The following RGPD1 variants were observed in gnomAD, a reference collection of about 807,000 sequenced individuals.
RGPD1 encodes the protein RANBP2-like and GRIP domain-containing protein 1.
RGPD1 carries 7 observed loss-of-function variants against 40.6 expected under a neutral mutation model. The observed-to-expected ratio is 0.17, with a 90% confidence interval of 0.10 to 0.32. The LOEUF (loss-of-function observed/expected upper bound fraction) is 0.32, where lower values mean the gene tolerates loss of function less well. Ranked by LOEUF, RGPD1 falls within the 10% of genes least tolerant of loss-of-function variation. RGPD1 has a pLI of 1.00. For missense variants in RGPD1, 50 were observed against 472.5 expected (o/e 0.11, Z 8.29); for synonymous variants, 24 against 167.0 (o/e 0.14, Z 6.60).
chr2:86,928,817 TTGAAA>T (rs991401024), intron 1 of RGPD1, among the ~76,000 whole-genome samples: 4 of 152,106 alleles, frequency 2.6e-5, no homozygotes, highest in Admixed American at 6.5e-5. Flanking sequence ...GAAATGTTAG[TTGAAA>T]TGAATGATAC....
chr2:86,942,794 G>C (rs1315668305), intron 1 of RGPD1, among the ~76,000 whole-genome samples: 1 of 151,828 alleles, frequency 6.6e-6, no homozygotes, highest in Non-Finnish European at 1.5e-5. Flanking sequence ...CGGCCGGCTG[G>C]CGCAGTCCTG....
rs900429245 is a variant in RGPD1, at chr2:86,930,522, C to T, written c.72+16601C>T. On this transcript the variant is annotated intron_variant, in intron 1 of 22. Coordinates refer to the RGPD1 transcript ENST00000398193. Reference sequence around the variant, plus strand: ...TTGTTGCAGCCTGAGTTTAGCTCGTCGGTGGCGGAAGGCCCAACAGCAGCT... The same window carrying T: ...TTGTTGCAGCCTGAGTTTAGCTCGTTGGTGGCGGAAGGCCCAACAGCAGCT... The T allele has an allele frequency of 2.4e-5, 38 of 1,557,270 alleles. No homozygotes were observed. The African/African-American group carries it at 2.6e-4, about 11-fold the overall frequency.
At chr2:86,913,754 C>T (rs1294346480), upstream of RGPD1, 20 of 1,385,524 alleles carry the variant, frequency 1.4e-5, no homozygotes, top group Middle Eastern at 5.7e-4. Flanking sequence ...CCGCCGGCTA[C>T]GTCAGTGGCT....
chr2:86,962,507 CAAAAAAAA>C (rs61486857), intron 6 of RGPD1, among the ~76,000 whole-genome samples: 2 of 29,896 alleles, frequency 6.7e-5, no homozygotes, highest in African/African-American at 1.9e-4. Flanking sequence ...GACTCTGTCT[CAAAAAAAA>C]AAAAAAAAAA....
chr2:86,941,354 T>A (rs1033119696), upstream of RGPD1, among the ~76,000 whole-genome samples: 5 of 150,658 alleles, frequency 3.3e-5, no homozygotes, highest in African/African-American at 1.2e-4. Context: ...ATTCTGCTAG[T>A]GAAATATATA....
At chr2:86,914,798 GGGCGGC>G (rs551941000) in intron 1 of RGPD1, among the ~76,000 whole-genome samples, 3 of 744 alleles carry the variant, frequency 4.0e-3, no homozygotes, top group Non-Finnish European at 6.4e-3. Flanking sequence ...CCACCTGGAC[GGGCGGC>G]GGCGGCGGCG....
chr2:87,008,934 G>T (rs1241150688), intron 22 of RGPD1, among the ~76,000 whole-genome samples: 1 of 135,174 alleles, frequency 7.4e-6, no homozygotes, highest in African/African-American at 2.9e-5. Context: ...AGAAAAAACA[G>T]AACAAGAGTC....
chr2:86,942,328 A>G lies in RGPD1; in HGVS notation c.72+20A>G. ...GGAAAGGTGAGTGGATCTCGAAGAG[A>G]CCGACGGCCTCGACCTGGCCGGGCG... On this transcript the variant is annotated intron_variant, in intron 1 of 22. Transcript: ENST00000641458. 4 of 1,501,790 alleles carry G rather than the reference A, an allele frequency of 2.7e-6. No homozygotes were observed. Among genetic ancestry groups the G allele is most frequent in the Non-Finnish European group, 3.6e-6 (4 of 1,122,388 alleles). The allele number at this position is 1,501,790 out of a possible 1,614,324, so 93.0% of individuals were successfully genotyped here. A position where few individuals can be genotyped will look rare whatever the true frequency, so the allele number is the denominator to read the frequency against.
upstream of RGPD1, among the ~76,000 whole-genome samples, chr2:86,939,026 G>GT (rs968782564): frequency 3.5e-5 from 4 of 112,770 alleles, no homozygotes; most frequent in Non-Finnish European, 7.2e-5. Context: ...GTTGTACCTA[G>GT]TAAAGGTATA....
chr2:86,942,916 C>G (rs1427198808), intron 1 of RGPD1, among the ~76,000 whole-genome samples: 1 of 151,980 alleles, frequency 6.6e-6, no homozygotes, highest in Non-Finnish European at 1.5e-5. Context: ...CGACGGTGCT[C>G]GCTCGTGGGC....
At chr2:86,914,932 C>T (rs1171864722) in intron 1 of RGPD1, among the ~76,000 whole-genome samples, 2 of 95,584 alleles carry the variant, frequency 2.1e-5, no homozygotes, top group Non-Finnish European at 4.0e-5. Flanking sequence ...TCGACCTGGC[C>T]GGGCGGCGGC....
At chr2:86,918,111 T>C (rs1677844374) in intron 1 of RGPD1, among the ~76,000 whole-genome samples, 1 of 150,582 alleles carries the variant, frequency 6.6e-6, no homozygotes, top group African/African-American at 2.4e-5. Flanking sequence ...ACATATTGCT[T>C]AGGATGTGAA....
At chr2:86,940,984 AAAAC>A (rs1233242381), upstream of RGPD1, among the ~76,000 whole-genome samples, 1 of 151,988 alleles carries the variant, frequency 6.6e-6, no homozygotes, top group Non-Finnish European at 1.5e-5. Context: ...TGGTTGAAAT[AAAAC>A]AAAATGCTGT....
chr2:86,924,702 G>A (rs559078591), intron 1 of RGPD1, among the ~76,000 whole-genome samples: 125 of 151,602 alleles, frequency 8.2e-4, no homozygotes, highest in Middle Eastern at 3.4e-3. Context: ...AAACTCCTGG[G>A]CTCAAGCAGT....
intron 1 of RGPD1, among the ~76,000 whole-genome samples, chr2:86,924,768 T>A (rs1282310498): frequency 6.6e-6 from 1 of 151,232 alleles, no homozygotes; most frequent in East Asian, 1.9e-4. Flanking sequence ...TTTAATTTCT[T>A]TTAATTTAAT....
intron 1 of RGPD1, among the ~76,000 whole-genome samples, chr2:86,918,492 C>A: frequency 8.6e-6 from 1 of 115,942 alleles, no homozygotes; most frequent in South Asian, 2.9e-4. Flanking sequence ...CAGAATGTTG[C>A]TCTGTCACCT....
chr2:86,941,319 C>T (rs1291331614), upstream of RGPD1, among the ~76,000 whole-genome samples: 1 of 148,706 alleles, frequency 6.7e-6, no homozygotes, highest in African/African-American at 2.5e-5. Flanking sequence ...TACATTATTA[C>T]TGTTAAATTT....
chr2:86,944,715 A>G (rs1441007060), intron 1 of RGPD1, among the ~76,000 whole-genome samples: 2 of 151,246 alleles, frequency 1.3e-5, no homozygotes, highest in African/African-American at 4.9e-5. Flanking sequence ...ACTGGCCATT[A>G]TTTTATTTTT....
intron 1 of RGPD1, among the ~76,000 whole-genome samples, chr2:86,925,183 A>AT: frequency 6.6e-6 from 1 of 152,250 alleles, no homozygotes; most frequent in Non-Finnish European, 1.5e-5. Flanking sequence ...TCTTGACCAT[A>AT]TTTTCCCTTA....
Sources: allele counts gnomAD v4.1 joint callset (sites outside exome capture counted in the v4.1 genomes callset), GRCh38; gene constraint gnomAD v4.1.1; transcripts MANE v1.5; gene names NCBI Gene and HGNC (gene_info 2026-07-23, HGNC 2026-07-21).